GRIP1: variants seen among roughly 807,000 people sequenced by gnomAD.
GRIP1 encodes glutamate receptor-interacting protein 1.
GRIP1 carries 45 observed loss-of-function variants against 129.9 expected under a neutral mutation model. That is an observed-to-expected ratio of 0.35 (90% CI 0.27 to 0.44). The LOEUF (loss-of-function observed/expected upper bound fraction) is 0.44. Ranked by LOEUF, GRIP1 falls within the 20% of genes least tolerant of loss-of-function variation. The probability of loss-of-function intolerance (pLI) is 1.00; values close to 1 mark genes in which losing one functional copy is unlikely to be tolerated. For synonymous variants in GRIP1, 530 were observed against 520.8 expected, an observed-to-expected ratio of 1.02 and a Z score of -0.24; for missense variants, 1,196 against 1,396.8, an observed-to-expected ratio of 0.86 and a Z score of 2.29.
At chr12:66,396,662 A>G (rs977281414) in intron 16 of GRIP1, among the ~76,000 whole-genome samples, 1 of 152,182 alleles carries the variant, frequency 6.6e-6, no homozygotes, top group African/African-American at 2.4e-5. Context: ...TGGAGATGCA[A>G]ATCTGGGAAA....
At chr12:66,869,377 A>T (rs1244101522) in intron 1 of GRIP1, among the ~76,000 whole-genome samples, 1 of 152,090 alleles carries the variant, frequency 6.6e-6, no homozygotes, top group Non-Finnish European at 1.5e-5. Context: ...TACCTTTCCA[A>T]GTGAATTGCA....
rs936949631 is a variant in GRIP1 at position 66,582,635 on chromosome 12, A to G, written c.136+14212T>C. 8.6e-5 allele frequency among the ~76,000 whole-genome samples: 12 copies of G among 139,076 alleles called. 1 individual carries two copies. The highest frequency in any genetic ancestry group is 3.2e-4 in the African/African-American group (12 of 37,802). The allele number at this position is 139,076 out of a possible 152,430, so 91.2% of individuals were successfully genotyped here. A position where few individuals can be genotyped will look rare whatever the true frequency, so the allele number is the denominator to read the frequency against. On this transcript the variant is annotated intron_variant, in intron 2 of 24. Transcript: ENST00000359742. ...TAACAGACAAACAGAGAGCCAAATCATGAGTGAACTCCCATTCACAATTGC... is the reference window on the plus strand; with the variant it reads ...TAACAGACAAACAGAGAGCCAAATCGTGAGTGAACTCCCATTCACAATTGC...
chr12:66,718,607 T>C (rs1437866447), intron 1 of GRIP1, among the ~76,000 whole-genome samples: 1 of 152,038 alleles, frequency 6.6e-6, no homozygotes, highest in Non-Finnish European at 1.5e-5. Context: ...TCCCAGCACT[T>C]TGGGAGGCTG....
intron 23 of GRIP1, among the ~76,000 whole-genome samples, chr12:66,356,046 CTG>C (rs2054474566): frequency 6.6e-6 from 1 of 152,198 alleles, no homozygotes; most frequent in Admixed American, 6.5e-5. Flanking sequence ...AAGGTCGACA[CTG>C]TGTGGACACG....
chr12:66,828,897 G>T (rs924489713), intron 1 of GRIP1, among the ~76,000 whole-genome samples: 6 of 152,224 alleles, frequency 3.9e-5, no homozygotes, highest in Admixed American at 3.9e-4. Flanking sequence ...AAGTGCTGTT[G>T]TTCATAGAAG....
intron 23 of GRIP1, among the ~76,000 whole-genome samples, chr12:66,367,217 G>A (rs1267665646): frequency 6.6e-6 from 1 of 152,206 alleles, no homozygotes; most frequent in Non-Finnish European, 1.5e-5. Flanking sequence ...GTGATAAGCT[G>A]TAGTACAAAC....
At position 66,803,591 on chromosome 12, in the gene GRIP1, C is replaced by A. The variant is rs186963126; in HGVS notation, c.-420+462G>T. Reference sequence around the variant, plus strand: ...AGAAAGGTACTTGAACTTCCTTGTACAAACAACACCTGAGATTAATCACAG... The same window carrying A: ...AGAAAGGTACTTGAACTTCCTTGTAAAAACAACACCTGAGATTAATCACAG... On this transcript the variant is annotated intron_variant, in intron 1 of 4. Coordinates refer to the GRIP1 transcript ENST00000538373. 2.6e-4 allele frequency among the ~76,000 whole-genome samples: 40 copies of A among 152,284 alleles called. No individual in the cohort carries two copies. In the East Asian group the frequency reaches 5.6e-3, roughly 21 times the overall value.
At chr12:66,379,832 G>A (rs953950124) in intron 19 of GRIP1, among the ~76,000 whole-genome samples, 1 of 152,166 alleles carries the variant, frequency 6.6e-6, no homozygotes, top group Non-Finnish European at 1.5e-5. Context: ...CTGCCAGTTA[G>A]TGCTCCCTTC....
At chr12:66,920,189 A>G (rs1028565273) in intron 1 of GRIP1, among the ~76,000 whole-genome samples, 1 of 152,118 alleles carries the variant, frequency 6.6e-6, no homozygotes, top group Non-Finnish European at 1.5e-5. Context: ...ACTTTGACGA[A>G]CCTGTATTAA....
At chr12:66,478,332 C>T (rs1349220149) in intron 7 of GRIP1, among the ~76,000 whole-genome samples, 1 of 152,306 alleles carries the variant, frequency 6.6e-6, no homozygotes. Context: ...AATGAGATAT[C>T]ATCTCACACA....
intron 1 of GRIP1, among the ~76,000 whole-genome samples, chr12:66,668,185 C>T (rs11176367): frequency 0.078 from 11,831 of 152,236 alleles, 546 homozygotes; most frequent in African/African-American, 0.12. Context: ...AAACAAGTAG[C>T]ATCTATACAA....
intron 1 of GRIP1, among the ~76,000 whole-genome samples, chr12:66,993,654 A>G (rs2042425988): frequency 6.6e-6 from 1 of 151,690 alleles, no homozygotes; most frequent in South Asian, 2.1e-4. Flanking sequence ...AGCTGGGCAT[A>G]GTGGTGCACG....
intron 5 of GRIP1, among the ~76,000 whole-genome samples, chr12:66,527,859 T>G (rs796220738): frequency 8.6e-5 from 13 of 151,926 alleles, no homozygotes; most frequent in African/African-American, 3.1e-4. Context: ...GAAAAACTGA[T>G]TGAGTATGAT....
chr12:66,710,024 C>T (rs1025604665), intron 1 of GRIP1, among the ~76,000 whole-genome samples: 1 of 151,968 alleles, frequency 6.6e-6, no homozygotes, highest in African/African-American at 2.4e-5. Flanking sequence ...AGGATGCATA[C>T]TATAAACCTG....
intron 23 of GRIP1, among the ~76,000 whole-genome samples, chr12:66,370,833 T>A (rs2055446787): frequency 1.3e-5 from 2 of 152,192 alleles, no homozygotes; most frequent in South Asian, 4.1e-4. Flanking sequence ...AAGAGTGGGT[T>A]TTGTTCCATG....
At chr12:66,707,502 C>CAAAAAAAAA (rs1565979272) in intron 1 of GRIP1, among the ~76,000 whole-genome samples, 4 of 86,002 alleles carry the variant, frequency 4.7e-5, no homozygotes, top group Non-Finnish European at 7.0e-5. Context: ...CAATCACTGA[C>CAAAAAAAAA]TAAAAAAAAA....
intron 1 of GRIP1, among the ~76,000 whole-genome samples, chr12:66,980,326 T>C (rs1378109388): frequency 6.6e-6 from 1 of 152,138 alleles, no homozygotes; most frequent in South Asian, 2.1e-4. Context: ...AGAATTCATA[T>C]ATGTGGCTAG....
At chr12:66,622,631 A>G (rs1039167596) in intron 1 of GRIP1, among the ~76,000 whole-genome samples, 1 of 152,172 alleles carries the variant, frequency 6.6e-6, no homozygotes, top group African/African-American at 2.4e-5. Context: ...ACTGTTTCCA[A>G]TTGATCTTAA....
intron 24 of GRIP1, 101 bp from the exon 25 acceptor site, chr12:66,349,347 G>T (rs887417125): frequency 1.1e-6 from 1 of 940,618 alleles, no homozygotes; most frequent in Non-Finnish European, 1.7e-6. Flanking sequence ...AAGTCATGAA[G>T]GTGCTAAAAT....
Sources: allele counts gnomAD v4.1 joint callset (sites outside exome capture counted in the v4.1 genomes callset), GRCh38; gene constraint gnomAD v4.1.1; transcripts MANE v1.5; gene names NCBI Gene and HGNC (gene_info 2026-07-23, HGNC 2026-07-21).